Variants in STAP1 observed in about 807,000 individuals in gnomAD.
The protein encoded by STAP1 is signal-transducing adaptor protein 1.
STAP1 carries 30 observed loss-of-function variants against 37.8 expected under a neutral mutation model. The observed-to-expected ratio is 0.79, with a 90% CI of 0.59 to 1.08. The LOEUF (loss-of-function observed/expected upper bound fraction) is 1.08, where lower values mean the gene tolerates loss of function less well. Ranked by LOEUF, STAP1 falls within the 50% of genes least tolerant of loss-of-function variation. The pLI is 0.00. For synonymous variants in STAP1, 130 were observed against 116.0 expected, an observed-to-expected ratio of 1.12 and a Z score of -0.78; for missense variants, 357 against 349.4, an observed-to-expected ratio of 1.02 and a Z score of -0.17.
At chr4:67,588,309 C>T (rs1728035379) in intron 6 of STAP1, among the ~76,000 whole-genome samples, 1 of 152,008 alleles carries the variant, frequency 6.6e-6, no homozygotes, top group Non-Finnish European at 1.5e-5. Flanking sequence ...CCTTGTTGAC[C>T]TTTGCCACTT....
chr4:67,606,419 A>G lies in STAP1; in HGVS notation c.*62A>G. 1 of 1,444,140 alleles carries G rather than the reference A, an allele frequency of 6.9e-7. No individual in the cohort carries two copies. The highest frequency in any genetic ancestry group is 1.3e-5 in the South Asian group (1 of 78,360). 89.5% of individuals were successfully genotyped at this position (1,444,140 alleles called of 1,614,324 possible). ...TTTATATTTTCAAAACGAAGTTCTTACTTTTAAAGAGAATTACCTATATTC... is the reference window on the plus strand; with the variant it reads ...TTTATATTTTCAAAACGAAGTTCTTGCTTTTAAAGAGAATTACCTATATTC... On this transcript the variant is annotated 3_prime_UTR_variant, in exon 9 of 9. Transcript: ENST00000265404.
At chr4:67,559,685 A>T (rs1351120410) in intron 1 of STAP1, among the ~76,000 whole-genome samples, 3 of 152,152 alleles carry the variant, frequency 2.0e-5, no homozygotes, top group Admixed American at 1.3e-4. Flanking sequence ...GTTATTAAAT[A>T]AAAAAATCAT....
intron 8 of STAP1, among the ~76,000 whole-genome samples, chr4:67,597,030 G>T (rs967313677): frequency 6.6e-6 from 1 of 152,224 alleles, no homozygotes; most frequent in Non-Finnish European, 1.5e-5. Context: ...TGTCTCCAGG[G>T]CATGTCAGAA....
chr4:67,561,924 T>C (rs1294090783), intron 1 of STAP1, among the ~76,000 whole-genome samples: 2 of 151,460 alleles, frequency 1.3e-5, no homozygotes, highest in Non-Finnish European at 2.9e-5. Context: ...ATACAAAAAT[T>C]AGCAGGGCAT....
Position 67,571,153 on chromosome 4 carries a change from A to C in STAP1, c.190A>C (p.Ile64Leu). 6.3e-7 allele frequency: 1 copy of C among 1,593,136 alleles called. No individual in the cohort carries two copies. Among genetic ancestry groups the C allele is most frequent in the Non-Finnish European group, 8.6e-7 (1 of 1,160,994 alleles). The change falls in exon 2 of 9, where the codon ATA becomes CTA. Residue 64 changes from isoleucine to leucine, a missense_variant and splice_region_variant. Ile to Leu is a conservative substitution (Grantham distance 5). Transcript: ENST00000265404. ...CTTTTATACCGACAAAAAGAGTATA[A>C]TAGTAAGTAAATATGTTGAGCTGAT... Reference protein sequence around the residue: ...LFFYTDKKSIIYVDKLDIVDL... With the variant: ...LFFYTDKKSILYVDKLDIVDL...
At chr4:67,575,342 T>C in intron 2 of STAP1, 43 bp from the exon 3 acceptor site, 1 of 1,339,612 alleles carries the variant, frequency 7.5e-7, no homozygotes, top group Middle Eastern at 1.8e-4. Context: ...TAATGTGTAT[T>C]ACCCATGAAA....
chr4:67,582,168 A>G (rs1727875645), intron 5 of STAP1, among the ~76,000 whole-genome samples: 1 of 152,184 alleles, frequency 6.6e-6, no homozygotes, highest in Non-Finnish European at 1.5e-5. Context: ...TGATGGACTG[A>G]TAAGTTAAAA....
At chr4:67,577,364 T>C (rs1005588482) in intron 4 of STAP1, 105 bp downstream of exon 4, 12 of 947,802 alleles carry the variant, frequency 1.3e-5, no homozygotes, top group Non-Finnish European at 1.8e-5. Flanking sequence ...ATATAGCAAT[T>C]GAAAAAGATA....
At chr4:67,572,840 T>A (rs1185018502) in intron 2 of STAP1, among the ~76,000 whole-genome samples, 1 of 152,114 alleles carries the variant, frequency 6.6e-6, no homozygotes, top group African/African-American at 2.4e-5. Flanking sequence ...ATAGATGAGA[T>A]TAGTGAAGTT....
At chr4:67,577,283 T>A (rs527467678) in intron 4 of STAP1, 24 bp downstream of exon 4, 95 of 1,588,680 alleles carry the variant, frequency 6.0e-5, no homozygotes, top group Non-Finnish European at 3.9e-5. Flanking sequence ...TGCTTTTGAT[T>A]GATTCTTTTT....
At chr4:67,587,760 G>A (rs1354697501) in intron 6 of STAP1, among the ~76,000 whole-genome samples, 1 of 124,264 alleles carries the variant, frequency 8.0e-6, no homozygotes. Flanking sequence ...TGCTCTTGTT[G>A]CCCAGTCTGG....
chr4:67,564,814 G>A (rs2109853750), intron 1 of STAP1, among the ~76,000 whole-genome samples: 1 of 152,308 alleles, frequency 6.6e-6, no homozygotes, highest in East Asian at 1.9e-4. Flanking sequence ...TTGGGAGGCT[G>A]AGGTGGGAGA....
At chr4:67,583,494 T>G in intron 5 of STAP1, 80 bp from the exon 6 acceptor site, 1 of 1,419,476 alleles carries the variant, frequency 7.0e-7, no homozygotes, top group East Asian at 2.5e-5. Flanking sequence ...GCTCTCAAAG[T>G]TATTTTGGTA....
chr4:67,573,205 T>C (rs989671362), intron 2 of STAP1, among the ~76,000 whole-genome samples: 3 of 152,128 alleles, frequency 2.0e-5, no homozygotes, highest in Non-Finnish European at 2.9e-5. Flanking sequence ...ATTAGGACAA[T>C]GGATGAAAAT....
At chr4:67,563,719 C>G (rs1382862940) in intron 1 of STAP1, among the ~76,000 whole-genome samples, 1 of 152,082 alleles carries the variant, frequency 6.6e-6, no homozygotes, top group Non-Finnish European at 1.5e-5. Flanking sequence ...ACAACAACTC[C>G]AAATAAACAA....
chr4:67,601,346 T>C (rs1728337775), intron 8 of STAP1, among the ~76,000 whole-genome samples: 1 of 152,212 alleles, frequency 6.6e-6, no homozygotes, highest in African/African-American at 2.4e-5. Context: ...TATTTTTGAT[T>C]GGTTCATCTT....
chr4:67,571,357 T>C (rs893156406), intron 2 of STAP1, among the ~76,000 whole-genome samples: 2 of 152,230 alleles, frequency 1.3e-5, no homozygotes, highest in African/African-American at 2.4e-5. Context: ...GAAGAAGATA[T>C]TGACTCATGT....
intron 1 of STAP1, among the ~76,000 whole-genome samples, chr4:67,565,702 G>A (rs939828565): frequency 1.3e-5 from 2 of 152,052 alleles, no homozygotes; most frequent in African/African-American, 2.4e-5. Flanking sequence ...ATAGCAGGAG[G>A]TGGTGTTGTG....
At chr4:67,604,192 CT>C (rs1728402282) in intron 8 of STAP1, among the ~76,000 whole-genome samples, 4 of 152,220 alleles carry the variant, frequency 2.6e-5, no homozygotes, top group Admixed American at 1.3e-4. Flanking sequence ...CTGTCTACTT[CT>C]TTTCCTAAGC....
Sources: allele counts gnomAD v4.1 joint callset (sites outside exome capture counted in the v4.1 genomes callset), GRCh38; gene constraint gnomAD v4.1.1; transcripts MANE v1.5; gene names NCBI Gene and HGNC (gene_info 2026-07-23, HGNC 2026-07-21).